The following MICOS10 variants were observed in gnomAD, a reference collection of about 807,000 sequenced individuals.
The protein encoded by MICOS10 is MICOS complex subunit MIC10.
In MICOS10, 5 loss-of-function variants were observed where a neutral mutation model predicts 13.4. The observed-to-expected ratio is 0.37, with a 90% CI of 0.20 to 0.78. The LOEUF is 0.78. Among genes scored for constraint, MICOS10 ranks in the 30% least tolerant of loss-of-function variants. MICOS10 has a pLI of 0.47. For synonymous variants in MICOS10, 35 were observed against 33.6 expected, an observed-to-expected ratio of 1.04 and a Z score of -0.15; for missense variants, 101 against 94.6, an observed-to-expected ratio of 1.07 and a Z score of -0.28.
chr1:19,612,947 CT>C (rs1553309370), intron 1 of MICOS10, among the ~76,000 whole-genome samples: 2 of 152,230 alleles, frequency 1.3e-5, no homozygotes, highest in Non-Finnish European at 2.9e-5. Flanking sequence ...TTAATATACT[CT>C]TTCCTACGGA....
rs148019980 is a variant in MICOS10 at position 19,606,898 on chromosome 1, T to A, written c.64+9789T>A. Among the ~76,000 whole-genome samples the A allele has an allele frequency of 1.6e-3, 246 of 152,348 alleles. 1 individual carries two copies. The highest frequency in any genetic ancestry group is 5.3e-3 in the African/African-American group (220 of 41,588). On this transcript the variant is annotated intron_variant, in intron 1 of 3. Transcript: ENST00000322753. ...GAAGCCATTTTAATGTTTAAAAAAA[T>A]ACTAAAAGAGGCCATTGAATAGTCA...
intron 3 of MICOS10, chr1:19,625,690 AG>A (rs1570514541): frequency 8.1e-7 from 1 of 1,234,416 alleles, no homozygotes; most frequent in Non-Finnish European, 1.0e-6. Flanking sequence ...ATAATGGCTC[AG>A]GGGTGATTAT....
At chr1:19,623,338 T>C (rs2094910956) in intron 2 of MICOS10, 136 bp from the exon 3 acceptor site, 5 of 604,882 alleles carry the variant, frequency 8.3e-6, no homozygotes, top group South Asian at 2.4e-5. Context: ...TTGATAAAAA[T>C]GTATGGTTAT....
In MICOS10 at chr1:19,617,906, A is replaced by ATAT. The variant is rs1553309868; in HGVS notation, c.65-4194_65-4193insTAT. ...AGTCTGAAAGGATCCTCTATTAAAAAATATATATATATGTATATATATACA... is the reference window on the plus strand; with the variant it reads ...AGTCTGAAAGGATCCTCTATTAAAAATATATATATATATATGTATATATATACA... On this transcript the variant is annotated intron_variant, in intron 1 of 3. Transcript: ENST00000322753. Among the ~76,000 whole-genome samples the ATAT allele has an allele frequency of 5.9e-5, 9 of 151,574 alleles. No individual in the cohort carries two copies. The South Asian group carries it at 1.9e-3, about 32-fold the overall frequency.
chr1:19,610,198 T>A (rs1401603927), intron 1 of MICOS10, among the ~76,000 whole-genome samples: 4 of 151,948 alleles, frequency 2.6e-5, no homozygotes, highest in African/African-American at 9.7e-5. Flanking sequence ...TTGTCATTTT[T>A]AAAAATAGAA....
At chr1:19,601,169 G>C in intron 1 of MICOS10, 1 of 393,808 alleles carries the variant, frequency 2.5e-6, no homozygotes, top group Non-Finnish European at 4.7e-6. Context: ...TAATCTTCAA[G>C]GATCTTTTCA....
At chr1:19,610,139 T>G (rs1469420441) in intron 1 of MICOS10, among the ~76,000 whole-genome samples, 2 of 152,072 alleles carry the variant, frequency 1.3e-5, no homozygotes, top group African/African-American at 4.8e-5. Context: ...AGACTCCATT[T>G]CAAAAAGAAG....
rs148938391 is a variant in MICOS10 at position 19,601,033 on chromosome 1, G to A, written c.64+3924G>A. Reference sequence around the variant, plus strand: ...GTGTTTTGCTTCCAGGGTTCACCAGGGTTATTTTCCCACCTGTTTGCTGTA... The same window carrying A: ...GTGTTTTGCTTCCAGGGTTCACCAGAGTTATTTTCCCACCTGTTTGCTGTA... On this transcript the variant is annotated intron_variant, in intron 1 of 3. Transcript: ENST00000322753. 2.9e-3 allele frequency: 3,684 copies of A among 1,285,934 alleles called. 12 individuals are homozygous for A. The highest frequency in any genetic ancestry group is 0.015 in the Middle Eastern group (69 of 4,690). 79.7% of individuals were successfully genotyped at this position (1,285,934 alleles called of 1,614,324 possible).
At chr1:19,616,612 T>G (rs556374349) in intron 1 of MICOS10, among the ~76,000 whole-genome samples, 3 of 152,184 alleles carry the variant, frequency 2.0e-5, no homozygotes, top group Non-Finnish European at 2.9e-5. Context: ...AGTAACATAG[T>G]CATAAATTAA....
chr1:19,622,204 G>A, intron 2 of MICOS10, 57 bp downstream of exon 2: 1 of 1,429,502 alleles, frequency 7.0e-7, no homozygotes, highest in Non-Finnish European at 9.8e-7. Flanking sequence ...ATACGTAGCA[G>A]GGACACTTCC....
rs2094931216 is a variant in MICOS10 at position 19,629,274 on chromosome 1, A to G, written c.*2873A>G. The G allele has an allele frequency of 6.6e-6, 1 of 152,218 alleles. No homozygotes were observed. Among genetic ancestry groups the G allele is most frequent in the South Asian group, 2.1e-4 (1 of 4,832 alleles). 9.4% of individuals were successfully genotyped at this position (152,218 alleles called of 1,614,324 possible). On this transcript the variant is annotated 3_prime_UTR_variant, in exon 4 of 4. Transcript: ENST00000322753. Reference sequence around the variant, plus strand: ...TCTGGAACCAAATCCAAGGAAATTCATGGGTTTGGGGAGACAGCGATGGGA... The same window carrying G: ...TCTGGAACCAAATCCAAGGAAATTCGTGGGTTTGGGGAGACAGCGATGGGA...
chr1:19,608,399 C>G (rs772408778), intron 1 of MICOS10: 4 of 1,262,718 alleles, frequency 3.2e-6, no homozygotes. Flanking sequence ...CCTACACATC[C>G]AACTCCGGGC....
At chr1:19,626,297 G>A in intron 3 of MICOS10, 90 bp from the exon 4 acceptor site, 1 of 1,522,578 alleles carries the variant, frequency 6.6e-7, no homozygotes, top group East Asian at 2.3e-5. Context: ...TTTGGCTTCT[G>A]GCCCTTTGGG....
chr1:19,610,716 C>G (rs1292390758), intron 1 of MICOS10, among the ~76,000 whole-genome samples: 1 of 152,042 alleles, frequency 6.6e-6, no homozygotes, highest in African/African-American at 2.4e-5. Context: ...ACTTACCTTA[C>G]TTTGATAAAT....
intron 1 of MICOS10, among the ~76,000 whole-genome samples, chr1:19,609,872 C>T (rs1480855782): frequency 2.6e-5 from 4 of 152,164 alleles, no homozygotes; most frequent in East Asian, 1.9e-4. Context: ...TGGCTGGGCA[C>T]GGTGGCTCAT....
At position 19,629,708 on chromosome 1, in the gene MICOS10, A is replaced by T. The variant is rs532851141; in HGVS notation, c.*3307A>T. ...TTTCCCAAACCTGTTTACATTTTTTAAAAATGTAACCAACCCATAATTGCA... is the reference window on the plus strand; with the variant it reads ...TTTCCCAAACCTGTTTACATTTTTTTAAAATGTAACCAACCCATAATTGCA... On this transcript the variant is annotated 3_prime_UTR_variant, in exon 4 of 4. Transcript: ENST00000322753. 1 of 152,342 alleles carries T rather than the reference A, an allele frequency of 6.6e-6. No individual in the cohort carries two copies. The highest frequency in any genetic ancestry group is 1.9e-4 in the East Asian group (1 of 5,180). 9.4% of individuals were successfully genotyped at this position (152,342 alleles called of 1,614,324 possible). A position where few individuals can be genotyped will look rare whatever the true frequency, so the allele number is the denominator to read the frequency against.
At position 19,626,378 on chromosome 1, in the gene MICOS10, GC is replaced by G; in HGVS notation, c.223-8del. ...GCACAGTTTTAAGCTGAATGTCCTT[GC>G]TTTACAGGAGCAGGAGCAGTGACTT... On this transcript the variant is annotated splice_polypyrimidine_tract_variant and splice_region_variant and intron_variant, in intron 3 of 3. Coordinates refer to ENST00000322753, the MANE Select transcript of MICOS10 (RefSeq NM_001032363.4). 1 of 1,613,990 alleles carries G rather than the reference GC, an allele frequency of 6.2e-7. No individual in the cohort carries two copies. Among genetic ancestry groups the G allele is most frequent in the Middle Eastern group, 1.7e-4 (1 of 6,056 alleles).
intron 1 of MICOS10, chr1:19,617,393 G>C (rs1314952912): frequency 1.3e-6 from 1 of 797,096 alleles, no homozygotes; most frequent in Non-Finnish European, 1.5e-6. Flanking sequence ...CTCTTTGTCA[G>C]TGTTGACTTT....
At chr1:19,603,685 T>C (rs1449949953) in intron 1 of MICOS10, among the ~76,000 whole-genome samples, 2 of 152,250 alleles carry the variant, frequency 1.3e-5, no homozygotes, top group Non-Finnish European at 2.9e-5. Flanking sequence ...TTTAGAATTC[T>C]AGTTTATTCT....
Sources: gnomAD v4.1 joint callset for allele counts (sites outside exome capture counted in the v4.1 genomes callset) on GRCh38, gnomAD v4.1.1 for gene constraint, MANE v1.5 for transcripts, NCBI Gene and HGNC (gene_info 2026-07-23, HGNC 2026-07-21) for gene names.